GALNTL6: variants seen among roughly 807,000 people sequenced by gnomAD.
GALNTL6 encodes polypeptide N-acetylgalactosaminyltransferase-like 6.
GALNTL6 carries 46 observed loss-of-function variants against 73.7 expected under a neutral mutation model. The ratio of observed to expected loss-of-function variants is 0.62; its 90% confidence interval spans 0.49 to 0.80. The LOEUF is 0.80. Among genes scored for constraint, GALNTL6 ranks in the 30% least tolerant of loss-of-function variants. The probability of loss-of-function intolerance (pLI) is 0.00; values close to 1 mark genes in which losing one functional copy is unlikely to be tolerated. For missense variants in GALNTL6, 604 were observed against 755.0 expected (o/e 0.80, Z 2.34); for synonymous variants, 259 against 263.7 (o/e 0.98, Z 0.17).
At chr4:172,349,337 T>G (rs974758889) in intron 5 of GALNTL6, among the ~76,000 whole-genome samples, 8 of 152,108 alleles carry the variant, frequency 5.3e-5, no homozygotes, top group African/African-American at 9.7e-5. Flanking sequence ...AAGTGCATTT[T>G]ATAATTTACC....
chr4:171,931,939 A>G (rs922926798), intron 2 of GALNTL6, among the ~76,000 whole-genome samples: 2 of 152,168 alleles, frequency 1.3e-5, no homozygotes, highest in Non-Finnish European at 2.9e-5. Context: ...AAATCTAATT[A>G]CATTGTTATA....
intron 2 of GALNTL6, among the ~76,000 whole-genome samples, chr4:172,125,836 A>G (rs1299169379): frequency 6.8e-6 from 1 of 146,034 alleles, no homozygotes; most frequent in Non-Finnish European, 1.5e-5. Context: ...GTTCCTCTCC[A>G]TCATGTTTCT....
intron 2 of GALNTL6, among the ~76,000 whole-genome samples, chr4:172,039,288 T>C (rs113083146): frequency 1.3e-5 from 2 of 152,336 alleles, no homozygotes; most frequent in African/African-American, 4.8e-5. Context: ...TGGTATATTT[T>C]ACATTTTCAG....
rs190798645 is a variant in GALNTL6, at chr4:172,436,841, T to C, written c.553+88152T>C. 3.2e-4 allele frequency among the ~76,000 whole-genome samples: 49 copies of C among 152,270 alleles called. 1 individual carries two copies. Among genetic ancestry groups the C allele is most frequent in the African/African-American group, 1.2e-3 (48 of 41,554 alleles). On this transcript the variant is annotated intron_variant, in intron 5 of 12. Transcript: ENST00000506823. ...TTTATTCAACTTTAACTAGTACTTA[T>C]TTTTCTTATGGTACAGGTTATGGAA... is the stretch of plus-strand genomic sequence containing the variant.
chr4:172,101,455 G>A (rs373902495), intron 2 of GALNTL6, among the ~76,000 whole-genome samples: 6 of 150,368 alleles, frequency 4.0e-5, no homozygotes, highest in South Asian at 2.1e-4. Context: ...TTCTGCTGAC[G>A]AGAGAGAGAG....
chr4:172,705,762 GT>G (rs147189631), intron 5 of GALNTL6, among the ~76,000 whole-genome samples: 3 of 151,782 alleles, frequency 2.0e-5, no homozygotes, highest in Admixed American at 6.6e-5. Flanking sequence ...TTGGTTGACA[GT>G]TTTTTTTCCT....
intron 2 of GALNTL6, among the ~76,000 whole-genome samples, chr4:171,950,045 A>G: frequency 6.6e-6 from 1 of 152,320 alleles, no homozygotes; most frequent in South Asian, 2.1e-4. Context: ...AAGATCTGAG[A>G]ATAGCCCTGG....
chr4:172,853,522 T>C (rs1351014150), intron 7 of GALNTL6, among the ~76,000 whole-genome samples: 2 of 152,170 alleles, frequency 1.3e-5, no homozygotes, highest in Non-Finnish European at 2.9e-5. Flanking sequence ...CATTTGGGTG[T>C]CCCAGGCTTT....
At chr4:172,118,115 G>A (rs1733036007) in intron 2 of GALNTL6, among the ~76,000 whole-genome samples, 1 of 152,112 alleles carries the variant, frequency 6.6e-6, no homozygotes, top group African/African-American at 2.4e-5. Flanking sequence ...ATTGAGATGT[G>A]GAGAGTAGAC....
chr4:172,811,268 A>C (rs1474409732), intron 6 of GALNTL6, among the ~76,000 whole-genome samples: 1 of 152,182 alleles, frequency 6.6e-6, no homozygotes, highest in Non-Finnish European at 1.5e-5. Context: ...TGGATGAAAA[A>C]TTAGTCATGC....
chr4:172,988,086 A>G (rs1276779121), intron 10 of GALNTL6, among the ~76,000 whole-genome samples: 1 of 152,216 alleles, frequency 6.6e-6, no homozygotes, highest in African/African-American at 2.4e-5. Flanking sequence ...AGAAGTTGGA[A>G]CAATTTGGAG....
At chr4:171,970,140 A>G (rs1267656869) in intron 2 of GALNTL6, among the ~76,000 whole-genome samples, 1 of 152,158 alleles carries the variant, frequency 6.6e-6, no homozygotes, top group African/African-American at 2.4e-5. Context: ...TGAAGAGAGG[A>G]TTTTTGGTTT....
At chr4:172,736,648 A>T (rs1470333612) in intron 5 of GALNTL6, among the ~76,000 whole-genome samples, 4 of 152,376 alleles carry the variant, frequency 2.6e-5, no homozygotes, top group East Asian at 3.8e-4. Flanking sequence ...TTGATTAGGG[A>T]AGTGATAAAT....
At chr4:173,021,725 C>CTAA in intron 12 of GALNTL6, 100 bp downstream of exon 12, 1 of 1,232,812 alleles carries the variant, frequency 8.1e-7, no homozygotes, top group Non-Finnish European at 1.2e-6. Context: ...CTGGCGCAGT[C>CTAA]ACTCACACCT....
chr4:172,559,058 A>T (rs1172476142), intron 5 of GALNTL6, among the ~76,000 whole-genome samples: 86 of 77,372 alleles, frequency 1.1e-3, no homozygotes, highest in Admixed American at 1.3e-3. Context: ...ATGATAATGG[A>T]TTTTTTTTTT....
intron 5 of GALNTL6, among the ~76,000 whole-genome samples, chr4:172,439,920 A>G (rs1435903616): frequency 6.6e-6 from 1 of 152,070 alleles, no homozygotes; most frequent in Non-Finnish European, 1.5e-5. Flanking sequence ...TACATTGGCA[A>G]ATCATAATCA....
chr4:172,850,394 G>T (rs2111107657), intron 7 of GALNTL6, among the ~76,000 whole-genome samples: 1 of 152,230 alleles, frequency 6.6e-6, no homozygotes, highest in African/African-American at 2.4e-5. Flanking sequence ...CTTGACAAAG[G>T]AGTCCAGAAT....
intron 2 of GALNTL6, among the ~76,000 whole-genome samples, chr4:171,909,176 GA>G (rs5864097): frequency 0.3 from 40,290 of 135,914 alleles, 5,618 homozygotes; most frequent in Middle Eastern, 0.4. Context: ...AAAGAAAAAA[GA>G]AAAAAAAAAA....
At chr4:172,160,000 A>G (rs1273732099) in intron 2 of GALNTL6, among the ~76,000 whole-genome samples, 1 of 152,134 alleles carries the variant, frequency 6.6e-6, no homozygotes, top group African/African-American at 2.4e-5. Flanking sequence ...AGATGCCACA[A>G]TGTGAGTTAT....
Sources: allele counts gnomAD v4.1 joint callset (sites outside exome capture counted in the v4.1 genomes callset), GRCh38; gene constraint gnomAD v4.1.1; transcripts MANE v1.5; gene names NCBI Gene and HGNC (gene_info 2026-07-23, HGNC 2026-07-21).